EML1: variants seen among roughly 807,000 people sequenced by gnomAD.
EML1 encodes the protein EMAP like 1, also known as echinoderm microtubule-associated protein-like 1.
EML1 carries 27 observed loss-of-function variants against 110.4 expected under a neutral mutation model. The observed-to-expected ratio is 0.24, with a 90% CI of 0.18 to 0.34. The LOEUF (loss-of-function observed/expected upper bound fraction) is 0.34, where lower values mean the gene tolerates loss of function less well. EML1 is among the 10% of genes least tolerant of loss of function. The pLI, the probability that EML1 is intolerant of heterozygous loss-of-function variation, is 1.00. For synonymous variants in EML1, 344 were observed against 385.8 expected (o/e 0.89, Z 1.27); for missense variants, 741 against 1,030.9 (o/e 0.72, Z 3.85).
chr14:99,812,963 A>C (rs1466959689), intron 1 of EML1, among the ~76,000 whole-genome samples: 1 of 152,166 alleles, frequency 6.6e-6, no homozygotes, highest in East Asian at 1.9e-4. Context: ...AGGCTCTCTC[A>C]TTTACTCTGT....
Position 99,937,704 on chromosome 14 carries a change from C to T in EML1, c.2096-113C>T, listed in dbSNP as rs901204023. The T allele has an allele frequency of 3.5e-6, 3 of 853,544 alleles. No homozygotes were observed. In the East Asian group the frequency reaches 7.6e-5, roughly 22 times the overall value. The allele number at this position is 853,544 out of a possible 1,614,324, so 52.9% of individuals were successfully genotyped here. On this transcript the variant is annotated intron_variant, in intron 19 of 21. Coordinates refer to ENST00000262233, the MANE Select transcript of EML1 (RefSeq NM_004434.3). The stretch of plus-strand genomic sequence containing the variant: ...GCCCGACTGGGAAGTGGAAGGTCTC[C>T]CTCTCCAGGAAGGGCTCTGTACCCA...
chr14:99,808,464 C>T (rs2058018271), intron 1 of EML1, among the ~76,000 whole-genome samples: 1 of 152,202 alleles, frequency 6.6e-6, no homozygotes, highest in Admixed American at 6.5e-5. Flanking sequence ...TCATAGGTGG[C>T]AAAGCCTCCT....
intron 1 of EML1, among the ~76,000 whole-genome samples, chr14:99,754,366 CCCCCCA>C (rs1284421437): frequency 6.6e-6 from 1 of 152,182 alleles, no homozygotes; most frequent in African/African-American, 2.4e-5. Context: ...CCCCCTGCCT[CCCCCCA>C]CGGTGGCACG....
intron 1 of EML1, among the ~76,000 whole-genome samples, chr14:99,738,074 C>G (rs1474057511): frequency 1.3e-5 from 2 of 152,194 alleles, no homozygotes; most frequent in Non-Finnish European, 2.9e-5. Flanking sequence ...CCCAGTGTAG[C>G]CAGTGCAGGA....
At chr14:99,926,982 CA>C (rs775181223) in intron 17 of EML1, among the ~76,000 whole-genome samples, 4 of 152,076 alleles carry the variant, frequency 2.6e-5, no homozygotes, top group African/African-American at 7.2e-5. Context: ...TGAGCTCAAG[CA>C]ATTCACCCCT....
chr14:99,767,221 A>G (rs969848949), intron 1 of EML1, among the ~76,000 whole-genome samples: 5 of 152,238 alleles, frequency 3.3e-5, no homozygotes, highest in Non-Finnish European at 7.3e-5. Context: ...GAGAGGGAGC[A>G]TGGGTCAGGT....
intron 2 of EML1, among the ~76,000 whole-genome samples, chr14:99,857,135 G>A (rs752425533): frequency 2.0e-5 from 3 of 152,072 alleles, no homozygotes; most frequent in Non-Finnish European, 4.4e-5. Context: ...AGCCTTGTGT[G>A]ATGGCGTGAA....
At chr14:99,759,384 G>A (rs1360693443) in intron 1 of EML1, among the ~76,000 whole-genome samples, 4 of 152,180 alleles carry the variant, frequency 2.6e-5, no homozygotes, top group Non-Finnish European at 4.4e-5. Context: ...CTTCCTTCTT[G>A]TCCAGCTGCA....
intron 3 of EML1, among the ~76,000 whole-genome samples, chr14:99,866,995 T>C (rs958630108): frequency 3.9e-5 from 6 of 152,218 alleles, no homozygotes; most frequent in Non-Finnish European, 7.3e-5. Flanking sequence ...ATATTTGTGA[T>C]ACTGAGGTTT....
At chr14:99,825,820 C>T (rs1005152082) in intron 1 of EML1, among the ~76,000 whole-genome samples, 16 of 152,118 alleles carry the variant, frequency 1.1e-4, no homozygotes, top group African/African-American at 3.6e-4. Flanking sequence ...AGGGAGCAGT[C>T]GAGGTGAATA....
At chr14:99,919,798 T>C (rs991183699) in intron 16 of EML1, among the ~76,000 whole-genome samples, 10 of 152,132 alleles carry the variant, frequency 6.6e-5, no homozygotes, top group African/African-American at 2.4e-4. Context: ...AAATGGTTGT[T>C]GAAGATGCAA....
intron 1 of EML1, among the ~76,000 whole-genome samples, chr14:99,821,480 G>A (rs924555030): frequency 2.0e-4 from 30 of 152,138 alleles, no homozygotes; most frequent in African/African-American, 5.3e-4. Flanking sequence ...TAGCAAGACC[G>A]TCTCTCCCTC....
chr14:99,808,689 T>C (rs778135001), intron 1 of EML1, among the ~76,000 whole-genome samples: 9 of 152,234 alleles, frequency 5.9e-5, no homozygotes, highest in Non-Finnish European at 1.2e-4. Flanking sequence ...TGCTGAGAGA[T>C]GATACAGTTT....
Position 99,940,285 on chromosome 14 carries a change from G to A in EML1, c.*173G>A, listed in dbSNP as rs975588563. Reference sequence around the variant, plus strand: ...TCAGCGGGCGCCACAGCGGATCAGCGGTTCCGTGTTCACTTTTGTTGTACA... The same window carrying A: ...TCAGCGGGCGCCACAGCGGATCAGCAGTTCCGTGTTCACTTTTGTTGTACA... On this transcript the variant is annotated 3_prime_UTR_variant, in exon 22 of 22. Transcript: ENST00000262233. 1.2e-5 allele frequency: 10 copies of A among 829,840 alleles called. No homozygotes were observed. In the Admixed American group the frequency reaches 2.0e-4, roughly 16 times the overall value. 51.4% of individuals were successfully genotyped at this position (829,840 alleles called of 1,614,324 possible).
chr14:99,815,976 A>G (rs2058160657), intron 1 of EML1, among the ~76,000 whole-genome samples: 1 of 152,322 alleles, frequency 6.6e-6, no homozygotes, highest in Admixed American at 6.5e-5. Flanking sequence ...CAGTTACGGC[A>G]GCTGCTGTTG....
intron 3 of EML1, among the ~76,000 whole-genome samples, chr14:99,877,174 G>A (rs1053015884): frequency 2.6e-5 from 4 of 152,026 alleles, no homozygotes; most frequent in Non-Finnish European, 2.9e-5. Context: ...GGTTGCAGGC[G>A]GCCATCTTCT....
At chr14:99,910,476 T>TGCAC in intron 12 of EML1, 135 bp downstream of exon 12, 1 of 651,078 alleles carries the variant, frequency 1.5e-6, no homozygotes, top group Non-Finnish European at 2.6e-6. Context: ...GACACACACA[T>TGCAC]ACATGTGTGC....
intron 1 of EML1, among the ~76,000 whole-genome samples, chr14:99,833,286 C>G (rs2058489786): frequency 6.6e-6 from 1 of 152,072 alleles, no homozygotes; most frequent in South Asian, 2.1e-4. Context: ...TACTGAATTG[C>G]CTTTGTACTT....
At chr14:99,924,401 T>C (rs1426307232) in intron 17 of EML1, among the ~76,000 whole-genome samples, 3 of 152,180 alleles carry the variant, frequency 2.0e-5, no homozygotes, top group Admixed American at 2.0e-4. Context: ...TAACAACAAA[T>C]GCTAAGTGTA....
Sources: allele counts gnomAD v4.1 joint callset (sites outside exome capture counted in the v4.1 genomes callset), GRCh38; gene constraint gnomAD v4.1.1; transcripts MANE v1.5; gene names NCBI Gene and HGNC (gene_info 2026-07-23, HGNC 2026-07-21).